STOML3: variants seen among roughly 807,000 people sequenced by gnomAD.
The protein encoded by STOML3 is stomatin-like protein 3.
In STOML3, 31 loss-of-function variants were observed where a neutral mutation model predicts 29.5. The ratio of observed to expected loss-of-function variants is 1.05; its 90% CI spans 0.79 to 1.42. The LOEUF is 1.42. Among genes scored for constraint, STOML3 ranks in the 40% most tolerant of loss-of-function variants. STOML3 has a pLI of 0.00. For missense variants in STOML3, 380 were observed against 363.0 expected, an observed-to-expected ratio of 1.05 and a Z score of -0.38; for synonymous variants, 122 against 139.8, an observed-to-expected ratio of 0.87 and a Z score of 0.90.
chr13:38,980,833 A>G (rs1436321390), intron 1 of STOML3, among the ~76,000 whole-genome samples: 1 of 152,206 alleles, frequency 6.6e-6, no homozygotes, highest in Non-Finnish European at 1.5e-5. Flanking sequence ...TTCTTTATGC[A>G]GCTGGCAGGA....
At chr13:38,981,372 C>T (rs112904129) in intron 1 of STOML3, among the ~76,000 whole-genome samples, 22 of 152,038 alleles carry the variant, frequency 1.4e-4, no homozygotes, top group African/African-American at 4.6e-4. Context: ...AGGACCAGGG[C>T]CCAACACTCA....
chr13:38,968,258 G>T, intron 6 of STOML3, 142 bp downstream of exon 6: 1 of 1,269,122 alleles, frequency 7.9e-7, no homozygotes, highest in Non-Finnish European at 1.1e-6. Flanking sequence ...TTTAATTCAG[G>T]GAAAATTCTC....
At chr13:38,988,489 T>TATATTTTATATAAAATATATG (rs1868807205) in intron 1 of STOML3, among the ~76,000 whole-genome samples, 1 of 109,528 alleles carries the variant, frequency 9.1e-6, no homozygotes, top group Non-Finnish European at 1.7e-5. Flanking sequence ...TTTTATATCA[T>TATATTTTATATAAAATATATG]ATATTTTATA....
At position 38,973,104 on chromosome 13, in the gene STOML3, A is replaced by C. The variant is rs1474026257; in HGVS notation, c.230-510T>G. Among the ~76,000 whole-genome samples, 115 of 138,050 alleles carry C rather than the reference A, an allele frequency of 8.3e-4. 3 individuals are homozygous for C. The highest frequency in any genetic ancestry group is 1.8e-3 in the African/African-American group (65 of 35,432). 90.6% of individuals were successfully genotyped at this position (138,050 alleles called of 152,430 possible). On this transcript the variant is annotated intron_variant, in intron 3 of 6. Coordinates refer to ENST00000379631, the MANE Select transcript of STOML3 (RefSeq NM_145286.3). ...TGAAGCCCCGTCTCTACTAAAAAAAAAAAAAAAAAAAAAAAAAAAAAAAAA... is the reference window on the plus strand; with the variant it reads ...TGAAGCCCCGTCTCTACTAAAAAAACAAAAAAAAAAAAAAAAAAAAAAAAA...
At chr13:38,978,484 C>A (rs1242022265) in intron 1 of STOML3, among the ~76,000 whole-genome samples, 1 of 152,094 alleles carries the variant, frequency 6.6e-6, no homozygotes, top group Admixed American at 6.6e-5. Flanking sequence ...CCTTGTTCCT[C>A]CTTATTCCCT....
Position 38,968,527 on chromosome 13 carries a change from A to G in STOML3, c.524T>C (p.Leu175Pro), listed in dbSNP as rs368843635. Residue 175 changes from leucine (L) to proline (P), a missense_variant, in exon 6 of 7, where the codon CTT (leucine) becomes CCT (proline). Leu to Pro is a moderately conservative substitution (Grantham distance 98, BLOSUM62 -3). Coordinates refer to ENST00000379631, the MANE Select transcript of STOML3 (RefSeq NM_145286.3). ...CCCCCACAGTTCGGTGGCATCATCA[A>G]GTAAAGTCTGTTTCCAAATTAAAAG... ...EEIAHSIQTL[L>P]DDATELWGIR... The G allele has an allele frequency of 5.6e-6, 9 of 1,614,044 alleles. No homozygotes were observed. The highest frequency in any genetic ancestry group is 7.6e-6 in the Non-Finnish European group (9 of 1,180,000).
At chr13:38,968,557 G>C (rs1281055386) in intron 5 of STOML3, 23 bp from the exon 6 acceptor site, 1 of 1,612,946 alleles carries the variant, frequency 6.2e-7, no homozygotes, top group East Asian at 2.2e-5. Flanking sequence ...TAAAAGGGAA[G>C]ACTAATAAGA....
At chr13:38,971,647 G>C (rs1185228011) in intron 4 of STOML3, among the ~76,000 whole-genome samples, 3 of 152,112 alleles carry the variant, frequency 2.0e-5, no homozygotes, top group Non-Finnish European at 4.4e-5. Context: ...TGTGGGCTGG[G>C]TGCAGTGGCT....
At chr13:38,980,094 A>T in intron 1 of STOML3, 1 of 1,551,728 alleles carries the variant, frequency 6.4e-7, no homozygotes. Context: ...TTGCATCATT[A>T]CACGTGCACA....
chr13:38,972,132 C>A (rs969225651), intron 4 of STOML3, among the ~76,000 whole-genome samples: 2 of 152,096 alleles, frequency 1.3e-5, no homozygotes, highest in Non-Finnish European at 2.9e-5. Context: ...CAAAACCAGC[C>A]ACTGCCTTCC....
chr13:38,975,736 T>C (rs1225982173), intron 3 of STOML3, among the ~76,000 whole-genome samples: 1 of 152,102 alleles, frequency 6.6e-6, no homozygotes, highest in East Asian at 1.9e-4. Context: ...AAGTTATGAG[T>C]ATTAAATCAA....
chr13:38,988,162 T>TATCTA (rs1868719039), intron 1 of STOML3, among the ~76,000 whole-genome samples: 1 of 96,332 alleles, frequency 1.0e-5, no homozygotes, highest in African/African-American at 4.6e-5. Flanking sequence ...ATATATTTTA[T>TATCTA]ATATAATATA....
rs1280566231 is a variant in STOML3 at position 38,977,791 on chromosome 13, G to A, written c.53-994C>T. Among the ~76,000 whole-genome samples the A allele has an allele frequency of 5.0e-5, 5 of 99,784 alleles. No homozygotes were observed. The Admixed American group carries it at 5.4e-4, about 11-fold the overall frequency. The allele number at this position is 99,784 out of a possible 152,430, so 65.5% of individuals were successfully genotyped here. On this transcript the variant is annotated intron_variant, in intron 1 of 6. Coordinates refer to ENST00000379631, the MANE Select transcript of STOML3 (RefSeq NM_145286.3). ...TTTTTTTTTTTTGAGACGGAGTCTC[G>A]CTCTGTCGCCCAGGCTGGAGTACAG...
intron 1 of STOML3, among the ~76,000 whole-genome samples, chr13:38,988,152 ATATATTTTATATATAATATAT>A (rs1357243641): frequency 2.1e-5 from 2 of 94,418 alleles, no homozygotes; most frequent in East Asian, 6.7e-4. Flanking sequence ...ATTTTATATC[ATATATTTTATATATAATATAT>A]TATATTTTAT....
At chr13:38,983,831 T>C (rs1881349330) in intron 1 of STOML3, among the ~76,000 whole-genome samples, 1 of 152,198 alleles carries the variant, frequency 6.6e-6, no homozygotes, top group South Asian at 2.1e-4. Flanking sequence ...GTATGTTCCC[T>C]TTTACCATTT....
intron 1 of STOML3, among the ~76,000 whole-genome samples, chr13:38,986,429 T>C (rs1449387177): frequency 1.3e-5 from 2 of 152,148 alleles, no homozygotes; most frequent in Non-Finnish European, 2.9e-5. Context: ...GAAGACCAGA[T>C]GCTTCCCAGA....
chr13:38,987,297 A>C (rs1268216120), intron 1 of STOML3, among the ~76,000 whole-genome samples: 1 of 151,980 alleles, frequency 6.6e-6, no homozygotes, highest in Admixed American at 6.6e-5. Flanking sequence ...CTGAGGCTGG[A>C]GGATCACTTG....
At chr13:38,982,300 A>T (rs949673266) in intron 1 of STOML3, among the ~76,000 whole-genome samples, 2 of 151,948 alleles carry the variant, frequency 1.3e-5, no homozygotes, top group African/African-American at 2.4e-5. Flanking sequence ...GTCATTATAA[A>T]TTCTTTTTTC....
chr13:38,972,427 A>C (rs908449766), intron 4 of STOML3, 85 bp downstream of exon 4: 2 of 1,371,012 alleles, frequency 1.5e-6, no homozygotes, highest in African/African-American at 2.9e-5. Flanking sequence ...CTATAGTTTA[A>C]AAGTGAACTA....
Sources: allele counts gnomAD v4.1 joint callset (sites outside exome capture counted in the v4.1 genomes callset), GRCh38; gene constraint gnomAD v4.1.1; transcripts MANE v1.5; gene names NCBI Gene and HGNC (gene_info 2026-07-23, HGNC 2026-07-21).